The following PKD1L3 variants were observed in gnomAD, a reference collection of about 807,000 sequenced individuals.
The protein encoded by PKD1L3 is polycystin 1 like 3, transient receptor potential channel interacting, also known as polycystin-1-like protein 3.
A neutral mutation model predicts 184.1 loss-of-function variants in PKD1L3; 239 were observed. The ratio of observed to expected loss-of-function variants is 1.30; its 90% confidence interval spans 1.17 to 1.45. PKD1L3 has a LOEUF of 1.45. PKD1L3 is among the 40% of genes most tolerant of loss of function. The pLI, the probability that PKD1L3 is intolerant of heterozygous loss-of-function variation, is 0.00. For synonymous variants in PKD1L3, 996 were observed against 778.8 expected, an observed-to-expected ratio of 1.28 and a Z score of -4.64; for missense variants, 2,660 against 2,067.2, an observed-to-expected ratio of 1.29 and a Z score of -5.56.
In PKD1L3 at chr16:71,973,383, C is replaced by T. The variant is rs182439992; in HGVS notation, c.1894G>A (p.Val632Ile). 181 of 1,551,640 alleles carry T rather than the reference C, an allele frequency of 1.2e-4. No homozygotes were observed. In the African/African-American group the frequency reaches 1.4e-3, roughly 12 times the overall value. The change falls in exon 12 of 30, where the codon GTC becomes ATC. Residue 632 changes from valine (V) to isoleucine (I), a missense_variant. Val to Ile is a conservative substitution (Grantham distance 29). Transcript: ENST00000620267. ...ATCTCCCAGTAGTAACACTGAGTGA[C>T]GGCGGTGATGACCGAGACCAAGCTG... ...TPSLVSVITAVTQCYYWEIHN... is the reference protein window; with the variant it reads ...TPSLVSVITAITQCYYWEIHN...
intron 4 of PKD1L3, among the ~76,000 whole-genome samples, chr16:71,990,000 G>A (rs541513937): frequency 9.3e-5 from 14 of 151,212 alleles, no homozygotes; most frequent in South Asian, 4.2e-4. Flanking sequence ...ACTTGAACCC[G>A]GGAGGTAGAG....
chr16:71,951,754 G>C lies in PKD1L3; in HGVS notation c.3010-10C>G, dbSNP rs1411593292. 2 of 1,541,492 alleles carry C rather than the reference G, an allele frequency of 1.3e-6. No individual in the cohort carries two copies. Among genetic ancestry groups the C allele is most frequent in the Middle Eastern group, 1.7e-4 (1 of 5,966 alleles). ...CAGTTTCCTTTAATTCCTGAATGTA[G>C]GACCAGATGAGAAAAATCAGCCTGT... On this transcript the variant is annotated splice_polypyrimidine_tract_variant and intron_variant, in intron 18 of 29. Coordinates refer to ENST00000620267, the MANE Select transcript of PKD1L3 (RefSeq NM_181536.2).
chr16:71,929,559 TTCAGTG>T lies in PKD1L3; in HGVS notation c.5172_5177del (p.Asp1724_Thr1725del). On this transcript the variant is annotated inframe_deletion, in exon 30 of 30. Transcript: ENST00000620267. ...AGGATTAAGGTAGTTCATCTAAAAC[TTCAGTG>T]TCACTGCCCACTGCTGTCGTGGCTG... The T allele has an allele frequency of 6.4e-7, 1 of 1,551,188 alleles. No homozygotes were observed. The highest frequency in any genetic ancestry group is 8.7e-7 in the Non-Finnish European group (1 of 1,146,870).
Position 71,973,462 on chromosome 16 carries a change from G to A in PKD1L3, c.1815C>T (p.Thr605=), listed in dbSNP as rs754281810. 1.0e-5 allele frequency: 16 copies of A among 1,551,662 alleles called. No homozygotes were observed. In the South Asian group the frequency reaches 1.8e-4, roughly 17 times the overall value. ...CACTCAGCACAGCTGTTATATAGTA[G>A]GTGCCAATCCCGTGCTGCAGATGCT... is the stretch of plus-strand genomic sequence containing the variant. ...NPEHLQHGIG[T]YYITAVLSER... is the part of the protein sequence containing the mutation. Residue 605 remains threonine (T), a synonymous_variant, in exon 12 of 30, where the codon ACC becomes ACT. Coordinates refer to ENST00000620267, the MANE Select transcript of PKD1L3 (RefSeq NM_181536.2).
chr16:71,962,423 G>A (rs1262337510), intron 16 of PKD1L3, among the ~76,000 whole-genome samples: 5 of 152,132 alleles, frequency 3.3e-5, no homozygotes, highest in Non-Finnish European at 7.4e-5. Context: ...AAGTTGATAC[G>A]TATATTATAC....
chr16:71,977,221 C>T lies in PKD1L3; in HGVS notation c.1759+15G>A, dbSNP rs1245253995. 1 of 1,482,794 alleles carries T rather than the reference C, an allele frequency of 6.7e-7. No individual in the cohort carries two copies. Among genetic ancestry groups the T allele is most frequent in the South Asian group, 1.2e-5 (1 of 82,518 alleles). 91.9% of individuals were successfully genotyped at this position (1,482,794 alleles called of 1,614,324 possible). A position where few individuals can be genotyped will look rare whatever the true frequency, so the allele number is the denominator to read the frequency against. ...AGAAATCAAAGTAAGTTTCTGACAG[C>T]TGATTGGGTTTTACCTTTTTGCCAC... On this transcript the variant is annotated intron_variant, in intron 11 of 29. Transcript: ENST00000620267.
At chr16:71,976,721 C>G (rs1184136687) in intron 11 of PKD1L3, among the ~76,000 whole-genome samples, 3 of 152,170 alleles carry the variant, frequency 2.0e-5, no homozygotes, top group African/African-American at 7.2e-5. Context: ...GAGTTCAAGA[C>G]CAGCCTGGGC....
Position 71,980,184 on chromosome 16 carries a change from T to C in PKD1L3, c.1144-50A>G. ...TGACTTGTAAAACCTCAGTGTCTTA[T>C]GTTAGTAAAATAATGTTTTGGAGAA... On this transcript the variant is annotated intron_variant, in intron 7 of 29. Coordinates refer to ENST00000620267, the MANE Select transcript of PKD1L3 (RefSeq NM_181536.2). 2.0e-6 allele frequency: 3 copies of C among 1,527,994 alleles called. 1 individual carries two copies. The South Asian group carries it at 3.6e-5, about 18-fold the overall frequency. 94.7% of individuals were successfully genotyped at this position (1,527,994 alleles called of 1,614,324 possible). A position where few individuals can be genotyped will look rare whatever the true frequency, so the allele number is the denominator to read the frequency against.
In PKD1L3 at chr16:71,935,447, G is replaced by A. The variant is rs1033237628; in HGVS notation, c.4524C>T (p.Ile1508=). The A allele has an allele frequency of 2.6e-6, 4 of 1,551,922 alleles. No individual in the cohort carries two copies. The African/African-American group carries it at 5.5e-5, about 21-fold the overall frequency. The change falls in exon 26 of 30, where the codon ATC becomes ATT. Residue 1508 remains isoleucine (I), a synonymous_variant. Coordinates refer to ENST00000620267, the MANE Select transcript of PKD1L3 (RefSeq NM_181536.2). Reference sequence around the variant, plus strand: ...GCCCCAGGAGGATGAAGCTAATGAGGATTATACTTGTGTCCAGAATGTTTC... The same window carrying A: ...GCCCCAGGAGGATGAAGCTAATGAGAATTATACTTGTGTCCAGAATGTTTC... ...GKRNILDTSI[I]LISFILLGLD...
chr16:71,964,775 G>C (rs1471462275), intron 15 of PKD1L3, among the ~76,000 whole-genome samples: 4 of 151,516 alleles, frequency 2.6e-5, no homozygotes, highest in Non-Finnish European at 5.9e-5. Flanking sequence ...GCTGTCCTCT[G>C]TCTTTATAGA....
intron 11 of PKD1L3, among the ~76,000 whole-genome samples, chr16:71,976,661 G>T (rs2039936331): frequency 6.6e-6 from 1 of 152,218 alleles, no homozygotes; most frequent in African/African-American, 2.4e-5. Flanking sequence ...GCTCATGTCT[G>T]TAATCCCAGC....
intron 11 of PKD1L3, among the ~76,000 whole-genome samples, chr16:71,975,603 T>C (rs1405374569): frequency 1.3e-5 from 2 of 152,216 alleles, no homozygotes; most frequent in Admixed American, 6.6e-5. Context: ...GGTCTCAACA[T>C]GTTATTATGA....
rs1597353244 is a variant in PKD1L3 at position 71,977,437 on chromosome 16, T to G, written c.1558A>C (p.Thr520Pro). The G allele has an allele frequency of 1.3e-6, 2 of 1,551,192 alleles. No homozygotes were observed. Among genetic ancestry groups the G allele is most frequent in the South Asian group, 2.4e-5 (2 of 84,042 alleles). Residue 520 changes from threonine to proline, a missense_variant, in exon 11 of 30, where the codon ACC becomes CCC. Thr to Pro is a conservative substitution (Grantham distance 38, BLOSUM62 -1). Coordinates refer to ENST00000620267, the MANE Select transcript of PKD1L3 (RefSeq NM_181536.2). ...CTCATGTTGAGGCTGGTGGGATGGG[T>G]TTCCAAGCTAACATTTCTCCAGAGC... ...IMLWRNVSLE[T>P]HPTSLNMSTH... is the part of the protein sequence containing the mutation.
At chr16:71,980,306 G>C (rs972968742) in intron 7 of PKD1L3, among the ~76,000 whole-genome samples, 172 bp from the exon 8 acceptor site, 7 of 152,142 alleles carry the variant, frequency 4.6e-5, no homozygotes, top group Non-Finnish European at 7.4e-5. Flanking sequence ...CCTGGCTAAA[G>C]ACTTAGCATC....
At chr16:71,950,380 A>G in intron 19 of PKD1L3, 70 bp from the exon 20 acceptor site, 1 of 1,330,888 alleles carries the variant, frequency 7.5e-7, no homozygotes, top group Non-Finnish European at 1.0e-6. Context: ...GGTAGAGATT[A>G]ACAATTCATT....
chr16:71,988,908 G>A (rs1027321858), intron 4 of PKD1L3, among the ~76,000 whole-genome samples: 2 of 152,210 alleles, frequency 1.3e-5, no homozygotes, highest in African/African-American at 4.8e-5. Flanking sequence ...AACAAGTCCT[G>A]TGCAGAATTC....
chr16:71,974,342 C>T (rs746636033), intron 11 of PKD1L3, among the ~76,000 whole-genome samples: 3 of 152,170 alleles, frequency 2.0e-5, no homozygotes. Flanking sequence ...CTGAAGGCCC[C>T]TTCCGGCTCT....
intron 28 of PKD1L3, among the ~76,000 whole-genome samples, chr16:71,931,550 C>T (rs2037969385): frequency 6.6e-6 from 1 of 150,398 alleles, no homozygotes; most frequent in Admixed American, 6.6e-5. Context: ...CTGCAACCTC[C>T]ACCTCCCAGG....
At position 71,973,306 on chromosome 16, in the gene PKD1L3, A is replaced by G; in HGVS notation, c.1953+18T>C. 6.5e-7 allele frequency: 1 copy of G among 1,550,360 alleles called. No homozygotes were observed. Among genetic ancestry groups the G allele is most frequent in the Non-Finnish European group, 8.7e-7 (1 of 1,146,268 alleles). On this transcript the variant is annotated intron_variant, in intron 12 of 29. Coordinates refer to ENST00000620267, the MANE Select transcript of PKD1L3 (RefSeq NM_181536.2). ...GCTATGGCAGAAGAGAGGCCCAAGA[A>G]GCGGCTCAGTTTCTTACTTGGCATC... is the stretch of plus-strand genomic sequence containing the variant.
Sources: allele counts gnomAD v4.1 joint callset (sites outside exome capture counted in the v4.1 genomes callset), GRCh38; gene constraint gnomAD v4.1.1; transcripts MANE v1.5; gene names NCBI Gene and HGNC (gene_info 2026-07-23, HGNC 2026-07-21).